Variants in HS3ST4 observed in about 807,000 individuals in gnomAD.
HS3ST4 encodes the protein heparan sulfate-glucosamine 3-sulfotransferase 4, also known as heparan sulfate glucosamine 3-O-sulfotransferase 4.
In HS3ST4, 17 loss-of-function variants were observed where a neutral mutation model predicts 29.2. The observed-to-expected ratio is 0.58, with a 90% CI of 0.40 to 0.87. HS3ST4 has a LOEUF of 0.87. Among genes scored for constraint, HS3ST4 ranks in the 40% least tolerant of loss-of-function variants. The pLI is 0.00. For synonymous variants in HS3ST4, 314 were observed against 285.7 expected (o/e 1.10, Z -1.00); for missense variants, 627 against 634.5 (o/e 0.99, Z 0.13).
chr16:25,770,798 T>C (rs1057352336), intron 1 of HS3ST4, among the ~76,000 whole-genome samples: 1 of 152,196 alleles, frequency 6.6e-6, no homozygotes, highest in East Asian at 1.9e-4. Context: ...TGAAAAGCAA[T>C]TAGTTTGGAT....
At chr16:25,777,955 A>G (rs572026043) in intron 1 of HS3ST4, among the ~76,000 whole-genome samples, 141 of 152,266 alleles carry the variant, frequency 9.3e-4, no homozygotes, top group Admixed American at 2.5e-3. Flanking sequence ...AGATAGACAC[A>G]CATGGTGTAT....
chr16:25,750,010 C>T (rs115358080), intron 1 of HS3ST4, among the ~76,000 whole-genome samples: 1 of 152,190 alleles, frequency 6.6e-6, no homozygotes, highest in South Asian at 2.1e-4. Flanking sequence ...CTCATATATT[C>T]TGTGGTGGAA....
intron 1 of HS3ST4, among the ~76,000 whole-genome samples, chr16:25,911,035 T>C (rs1232256711): frequency 2.0e-5 from 3 of 152,174 alleles, no homozygotes; most frequent in African/African-American, 7.2e-5. Flanking sequence ...AATATTGGAC[T>C]CTTTGGCAAT....
intron 1 of HS3ST4, among the ~76,000 whole-genome samples, chr16:25,937,290 G>C (rs981835720): frequency 6.6e-6 from 1 of 152,096 alleles, no homozygotes; most frequent in Non-Finnish European, 1.5e-5. Context: ...TGAAGAAAGG[G>C]ACATTCTGTC....
chr16:26,135,718 A>G lies in HS3ST4; in HGVS notation c.841A>G (p.Ile281Val). Residue 281 changes from isoleucine to valine, a missense_variant, in exon 2 of 2, where the codon ATC becomes GTC. By Grantham distance (29) the Ile-to-Val change is conservative. Around this residue, in one of 2 missense-constraint regions of HS3ST4, gnomAD observed 225 missense variants for 293.7 expected, o/e 0.77. Coordinates refer to ENST00000331351, the MANE Select transcript of HS3ST4 (RefSeq NM_006040.3). ...PKRIHSMAKD[I>V]KLIVVVRNPV... ...GCGCATTCACTCCATGGCCAAGGACATCAAACTGATTGTGGTGGTGAGAAA... is the reference window on the plus strand; with the variant it reads ...GCGCATTCACTCCATGGCCAAGGACGTCAAACTGATTGTGGTGGTGAGAAA... 1 of 1,614,140 alleles carries G rather than the reference A, an allele frequency of 6.2e-7. No individual in the cohort carries two copies. The highest frequency in any genetic ancestry group is 8.5e-7 in the Non-Finnish European group (1 of 1,179,994).
At chr16:25,985,900 G>T (rs1039402586) in intron 1 of HS3ST4, among the ~76,000 whole-genome samples, 3 of 152,064 alleles carry the variant, frequency 2.0e-5, no homozygotes, top group Non-Finnish European at 2.9e-5. Flanking sequence ...GCCCATGCTG[G>T]TCTCAAACTC....
At chr16:26,089,856 A>G (rs1359055874) in intron 1 of HS3ST4, among the ~76,000 whole-genome samples, 7 of 152,186 alleles carry the variant, frequency 4.6e-5, no homozygotes, top group Non-Finnish European at 2.9e-5. Context: ...CTTTGGGTAA[A>G]TCACTTAACC....
chr16:25,763,497 C>T (rs1384141021), intron 1 of HS3ST4, among the ~76,000 whole-genome samples: 2 of 152,206 alleles, frequency 1.3e-5, no homozygotes, highest in African/African-American at 4.8e-5. Context: ...ATTATTCTTG[C>T]ATTTACCAAC....
intron 1 of HS3ST4, among the ~76,000 whole-genome samples, chr16:26,115,839 C>A (rs938682709): frequency 6.6e-6 from 1 of 152,164 alleles, no homozygotes; most frequent in Non-Finnish European, 1.5e-5. Context: ...TCAGCCAAAG[C>A]AGAATCTTAC....
chr16:26,066,405 C>G (rs1449488437), intron 1 of HS3ST4, among the ~76,000 whole-genome samples: 4 of 152,206 alleles, frequency 2.6e-5, no homozygotes, highest in Non-Finnish European at 5.9e-5. Context: ...GAGAGCAAGA[C>G]TATTATCACT....
chr16:25,882,744 T>TG (rs1967906644), intron 1 of HS3ST4, among the ~76,000 whole-genome samples: 1 of 152,126 alleles, frequency 6.6e-6, no homozygotes, highest in African/African-American at 2.4e-5. Context: ...AGCAAAGTCT[T>TG]GGGGCACAGA....
At chr16:25,822,987 C>T (rs1277646524) in intron 1 of HS3ST4, among the ~76,000 whole-genome samples, 1 of 152,150 alleles carries the variant, frequency 6.6e-6, no homozygotes, top group African/African-American at 2.4e-5. Flanking sequence ...ATCTGCCCTC[C>T]TTTGCCTCCT....
chr16:25,819,664 G>A (rs1217445801), intron 1 of HS3ST4, among the ~76,000 whole-genome samples: 2 of 152,140 alleles, frequency 1.3e-5, no homozygotes, highest in African/African-American at 4.8e-5. Flanking sequence ...ATAAGACAAA[G>A]ACTCTTTAAT....
chr16:25,823,134 A>G (rs755691580), intron 1 of HS3ST4, among the ~76,000 whole-genome samples: 5 of 152,166 alleles, frequency 3.3e-5, no homozygotes, highest in Non-Finnish European at 7.3e-5. Context: ...TGCACCTGCT[A>G]TGTTTAGGAA....
At chr16:26,131,533 A>T (rs1899419175) in intron 1 of HS3ST4, among the ~76,000 whole-genome samples, 1 of 152,206 alleles carries the variant, frequency 6.6e-6, no homozygotes, top group Non-Finnish European at 1.5e-5. Flanking sequence ...GAAGTGTCAG[A>T]TGCAGTTAAA....
At chr16:26,056,473 C>T (rs1241916816) in intron 1 of HS3ST4, among the ~76,000 whole-genome samples, 2 of 152,170 alleles carry the variant, frequency 1.3e-5, no homozygotes. Context: ...TGGCTGTGTG[C>T]TCCACCAACC....
intron 1 of HS3ST4, among the ~76,000 whole-genome samples, chr16:25,835,480 T>C (rs988225754): frequency 7.2e-5 from 9 of 124,566 alleles, no homozygotes; most frequent in African/African-American, 2.3e-4. Context: ...TATTCCTCAG[T>C]TGACAGATGA....
chr16:25,894,049 C>T (rs1968036296), intron 1 of HS3ST4, among the ~76,000 whole-genome samples: 1 of 152,160 alleles, frequency 6.6e-6, no homozygotes, highest in African/African-American at 2.4e-5. Flanking sequence ...AATATTATTC[C>T]CTGTAGTCCT....
rs1007312779 is a variant in HS3ST4, at chr16:25,957,407, C to G, written c.735-178205C>G. On this transcript the variant is annotated intron_variant, in intron 1 of 1. Coordinates refer to ENST00000331351, the MANE Select transcript of HS3ST4 (RefSeq NM_006040.3). ...ATGTAGCCTATGAAAGATCAGTGAA[C>G]CTTCATAGCTCTCTCTCTCTCTTTT... Among the ~76,000 whole-genome samples the G allele has an allele frequency of 6.9e-4, 82 of 119,536 alleles. 1 individual carries two copies. The highest frequency in any genetic ancestry group is 6.1e-4 in the Non-Finnish European group (34 of 55,684). 78.4% of individuals were successfully genotyped at this position (119,536 alleles called of 152,430 possible). A position where few individuals can be genotyped will look rare whatever the true frequency, so the allele number is the denominator to read the frequency against.
Sources: allele counts gnomAD v4.1 joint callset (sites outside exome capture counted in the v4.1 genomes callset), GRCh38; gene constraint gnomAD v4.1.1; regional missense constraint gnomAD v4.1.1; transcripts MANE v1.5; gene names NCBI Gene and HGNC (gene_info 2026-07-23, HGNC 2026-07-21).